The following PDE1A variants were observed in gnomAD, a reference collection of about 807,000 sequenced individuals.
PDE1A encodes the protein dual specificity calcium/calmodulin-dependent 3',5'-cyclic nucleotide phosphodiesterase 1A.
Under a neutral mutation model 61.7 loss-of-function variants are expected in PDE1A, and 35 were observed. The observed-to-expected ratio is 0.57, with a 90% CI of 0.43 to 0.75. The LOEUF (loss-of-function observed/expected upper bound fraction) is 0.75. Among genes scored for constraint, PDE1A ranks in the 30% least tolerant of loss-of-function variants. The pLI is 0.00. For missense variants in PDE1A, 597 were observed against 630.6 expected (o/e 0.95, Z 0.57); for synonymous variants, 232 against 213.2 (o/e 1.09, Z -0.77).
intron 1 of PDE1A, among the ~76,000 whole-genome samples, chr2:182,376,966 C>T (rs1196855841): frequency 6.6e-6 from 1 of 152,136 alleles, no homozygotes; most frequent in Non-Finnish European, 1.5e-5. Flanking sequence ...AAACTGCCCC[C>T]ATGATTCAAA....
chr2:182,487,086 A>C (rs1688068451), intron 2 of PDE1A, among the ~76,000 whole-genome samples: 1 of 152,202 alleles, frequency 6.6e-6, no homozygotes, highest in African/African-American at 2.4e-5. Flanking sequence ...GATTTAATTC[A>C]TCTTAAAAAT....
intron 5 of PDE1A, 26 bp from the exon 6 acceptor site, chr2:182,230,172 T>C (rs1357799806): frequency 1.4e-5 from 22 of 1,595,062 alleles, no homozygotes; most frequent in Non-Finnish European, 1.9e-5. Context: ...ATTATAATTA[T>C]ATTTTGACCA....
intron 1 of PDE1A, among the ~76,000 whole-genome samples, chr2:182,284,256 G>A (rs545777725): frequency 1.9e-4 from 29 of 152,250 alleles, no homozygotes; most frequent in Non-Finnish European, 3.4e-4. Context: ...GATGAAAGTA[G>A]TTTTTGGTAA....
At chr2:182,339,931 C>A (rs1403641588) in intron 1 of PDE1A, among the ~76,000 whole-genome samples, 1 of 152,136 alleles carries the variant, frequency 6.6e-6, no homozygotes, top group Non-Finnish European at 1.5e-5. Flanking sequence ...GAATGATAAT[C>A]ATATATTCAA....
intron 13 of PDE1A, among the ~76,000 whole-genome samples, chr2:182,158,920 ATACTT>A (rs754192033): frequency 2.7e-4 from 41 of 152,358 alleles, no homozygotes; most frequent in Admixed American, 2.2e-3. Flanking sequence ...CAGAGATCAA[ATACTT>A]TAGTTATACA....
chr2:182,204,992 T>C (rs1284804251), intron 8 of PDE1A, among the ~76,000 whole-genome samples: 1 of 152,240 alleles, frequency 6.6e-6, no homozygotes, highest in African/African-American at 2.4e-5. Flanking sequence ...TTTTAAACTC[T>C]GATTTTTATC....
intron 1 of PDE1A, among the ~76,000 whole-genome samples, chr2:182,394,704 C>G (rs920878909): frequency 2.6e-5 from 4 of 152,156 alleles, no homozygotes; most frequent in African/African-American, 9.7e-5. Flanking sequence ...CATTCCTGGA[C>G]TCATCTTGCA....
intron 1 of PDE1A, among the ~76,000 whole-genome samples, chr2:182,309,302 G>A (rs1695807005): frequency 6.6e-6 from 1 of 151,960 alleles, no homozygotes; most frequent in South Asian, 2.1e-4. Flanking sequence ...ACAATAAATT[G>A]TGACAAAATA....
At chr2:182,454,662 A>G (rs1469416406) in intron 2 of PDE1A, among the ~76,000 whole-genome samples, 1 of 151,752 alleles carries the variant, frequency 6.6e-6, no homozygotes, top group Non-Finnish European at 1.5e-5. Context: ...AAAACAAGCA[A>G]TGGGGAAAGG....
At chr2:182,411,688 C>G (rs1038421790) in intron 1 of PDE1A, among the ~76,000 whole-genome samples, 1 of 152,120 alleles carries the variant, frequency 6.6e-6, no homozygotes, top group African/African-American at 2.4e-5. Flanking sequence ...TTGGCAATGC[C>G]TGGGGACACT....
the PDE1A span, among the ~76,000 whole-genome samples, chr2:182,540,450 T>C: frequency 6.6e-6 from 1 of 150,424 alleles, no homozygotes; most frequent in South Asian, 2.1e-4. Context: ...CTTTAGTGCA[T>C]GAAGGAGACA....
At chr2:182,455,673 T>C (rs1266256741) in intron 2 of PDE1A, among the ~76,000 whole-genome samples, 6 of 151,854 alleles carry the variant, frequency 4.0e-5, no homozygotes, top group African/African-American at 1.4e-4. Context: ...AACCAAACAC[T>C]GCATGTTCTC....
intron 2 of PDE1A, among the ~76,000 whole-genome samples, chr2:182,476,226 C>T (rs1030047980): frequency 6.6e-6 from 1 of 151,808 alleles, no homozygotes; most frequent in African/African-American, 2.4e-5. Flanking sequence ...TGGGGTGGTT[C>T]ACACCTGTAA....
chr2:182,319,001 T>C (rs1267281522), intron 1 of PDE1A, among the ~76,000 whole-genome samples: 1 of 152,174 alleles, frequency 6.6e-6, no homozygotes, highest in Non-Finnish European at 1.5e-5. Context: ...AGATATTCTT[T>C]TCATCACCCT....
intron 2 of PDE1A, among the ~76,000 whole-genome samples, chr2:182,493,330 C>T (rs766690501): frequency 4.1e-4 from 62 of 150,554 alleles, no homozygotes; most frequent in Non-Finnish European, 8.1e-4. Flanking sequence ...ATGTGCACAA[C>T]GTGCAGGCTT....
exon 15 of PDE1A, chr2:182,141,888 T>A (rs1690242918): frequency 6.6e-6 from 1 of 152,158 alleles, no homozygotes; most frequent in African/African-American, 2.4e-5. Flanking sequence ...GCTTGTACAG[T>A]GAAAAGTTAC....
At chr2:182,408,840 T>C (rs1662880357) in intron 1 of PDE1A, among the ~76,000 whole-genome samples, 1 of 152,168 alleles carries the variant, frequency 6.6e-6, no homozygotes, top group South Asian at 2.1e-4. Flanking sequence ...TTTCACAAAA[T>C]TCGGGAACTG....
intron 6 of PDE1A, among the ~76,000 whole-genome samples, chr2:182,227,036 G>A (rs1345336820): frequency 6.6e-6 from 1 of 151,900 alleles, no homozygotes; most frequent in African/African-American, 2.4e-5. Context: ...TAGAGAAATG[G>A]ATCAACATGT....
At chr2:182,586,664 C>A in the PDE1A span, among the ~76,000 whole-genome samples, 1 of 152,088 alleles carries the variant, frequency 6.6e-6, no homozygotes, top group African/African-American at 2.4e-5. Context: ...CTAGATACTG[C>A]CAACACCACC....
Sources: allele counts gnomAD v4.1 joint callset (sites outside exome capture counted in the v4.1 genomes callset), GRCh38; gene constraint gnomAD v4.1.1; transcripts MANE v1.5; gene names NCBI Gene and HGNC (gene_info 2026-07-23, HGNC 2026-07-21).